The following ASAP1 variants were observed in gnomAD, a reference collection of about 807,000 sequenced individuals.
ASAP1 encodes the protein arf-GAP with SH3 domain, ANK repeat and PH domain-containing protein 1.
Under a neutral mutation model 145.2 loss-of-function variants are expected in ASAP1, and 43 were observed. That is an observed-to-expected ratio of 0.30 (90% confidence interval 0.23 to 0.38). The LOEUF (loss-of-function observed/expected upper bound fraction) is 0.38. Ranked by LOEUF, ASAP1 falls within the 10% of genes least tolerant of loss-of-function variation. The probability of loss-of-function intolerance (pLI) is 1.00; values close to 1 mark genes in which losing one functional copy is unlikely to be tolerated. For missense variants in ASAP1, 1,018 were observed against 1,355.3 expected, an observed-to-expected ratio of 0.75 and a Z score of 3.91; for synonymous variants, 546 against 515.5, an observed-to-expected ratio of 1.06 and a Z score of -0.80.
chr8:130,296,728 A>C (rs1822301595), intron 3 of ASAP1, among the ~76,000 whole-genome samples: 1 of 151,758 alleles, frequency 6.6e-6, no homozygotes, highest in Non-Finnish European at 1.5e-5. Context: ...ATCCAGCTCT[A>C]CAGAGCACAA....
At chr8:130,386,447 G>GA (rs897134969) in intron 2 of ASAP1, among the ~76,000 whole-genome samples, 2 of 152,170 alleles carry the variant, frequency 1.3e-5, no homozygotes, top group African/African-American at 4.8e-5. Flanking sequence ...CTGTCCTGAT[G>GA]AAAAAACACA....
chr8:130,126,595 A>C (rs1382353644), intron 16 of ASAP1, among the ~76,000 whole-genome samples: 1 of 151,972 alleles, frequency 6.6e-6, no homozygotes, highest in Admixed American at 6.6e-5. Context: ...TTTTTCTACA[A>C]CCTCCAATGG....
At chr8:130,085,802 A>G (rs1168409313) in intron 25 of ASAP1, among the ~76,000 whole-genome samples, 1 of 151,424 alleles carries the variant, frequency 6.6e-6, no homozygotes, top group African/African-American at 2.4e-5. Context: ...TAAATTCCCT[A>G]CAAAACCCAA....
At chr8:130,189,039 T>A (rs968090849) in intron 5 of ASAP1, among the ~76,000 whole-genome samples, 1 of 152,200 alleles carries the variant, frequency 6.6e-6, no homozygotes, top group Admixed American at 6.5e-5. Context: ...TTTTTAGTTT[T>A]TATGGATACA....
chr8:130,332,586 T>C (rs543008063), intron 3 of ASAP1, among the ~76,000 whole-genome samples: 2 of 152,356 alleles, frequency 1.3e-5, no homozygotes, highest in African/African-American at 2.4e-5. Flanking sequence ...TTTGGAAATA[T>C]TCCAGAATGC....
chr8:130,153,240 G>A (rs1480848952), intron 12 of ASAP1, among the ~76,000 whole-genome samples: 4 of 149,856 alleles, frequency 2.7e-5, no homozygotes, highest in East Asian at 1.9e-4. Context: ...GGCTGGTCTC[G>A]AACTCCTGAC....
chr8:130,434,005 G>A (rs552927113), intron 1 of ASAP1, among the ~76,000 whole-genome samples: 60 of 152,198 alleles, frequency 3.9e-4, no homozygotes, highest in African/African-American at 1.4e-3. Context: ...AACACAGATC[G>A]CCTTGCTTAA....
At chr8:130,365,575 TTTAAG>T (rs1176281810) in intron 2 of ASAP1, among the ~76,000 whole-genome samples, 4 of 152,256 alleles carry the variant, frequency 2.6e-5, no homozygotes, top group African/African-American at 7.2e-5. Context: ...CTTTGATGAA[TTTAAG>T]TTGAGTTCAT....
intron 3 of ASAP1, among the ~76,000 whole-genome samples, chr8:130,263,565 TAA>T (rs1820069109): frequency 1.3e-5 from 2 of 152,130 alleles, no homozygotes; most frequent in African/African-American, 4.8e-5. Flanking sequence ...CACTTTTGAG[TAA>T]GTTTAAATGA....
chr8:130,385,457 G>GA (rs1827968742), intron 2 of ASAP1, among the ~76,000 whole-genome samples: 1 of 152,234 alleles, frequency 6.6e-6, no homozygotes, highest in Non-Finnish European at 1.5e-5. Context: ...CTCTCCATGG[G>GA]GAGATGCTGG....
chr8:130,059,875 C>T (rs769204738), intron 28 of ASAP1, among the ~76,000 whole-genome samples: 10 of 151,656 alleles, frequency 6.6e-5, no homozygotes, highest in Non-Finnish European at 1.5e-4. Flanking sequence ...CCCATGAGTT[C>T]AAGACCAGCC....
intron 3 of ASAP1, among the ~76,000 whole-genome samples, chr8:130,295,499 A>G (rs1822214217): frequency 6.6e-6 from 1 of 152,184 alleles, no homozygotes; most frequent in South Asian, 2.1e-4. Flanking sequence ...CACAGCTGTA[A>G]AACAGGGATA....
At chr8:130,165,990 T>C (rs1256554637) in intron 11 of ASAP1, among the ~76,000 whole-genome samples, 1 of 152,210 alleles carries the variant, frequency 6.6e-6, no homozygotes, top group Admixed American at 6.5e-5. Context: ...CTGTATTTCA[T>C]GTTATTATTA....
Position 130,249,755 on chromosome 8 carries a change from AG to A in ASAP1, c.187-12762del, listed in dbSNP as rs1295353761. On this transcript the variant is annotated intron_variant, in intron 3 of 29. Transcript: ENST00000518721. ...TTATATATTACTTCCTCCCAGTTGT[AG>A]AGCCATCTTGCTGGCCCTGCACCCC... is the stretch of plus-strand genomic sequence containing the variant. 1.2e-4 allele frequency among the ~76,000 whole-genome samples: 19 copies of A among 152,242 alleles called. No homozygotes were observed. The East Asian group carries it at 3.7e-3, about 29-fold the overall frequency.
At chr8:130,166,486 C>T (rs184058941) in intron 11 of ASAP1, among the ~76,000 whole-genome samples, 20 of 152,262 alleles carry the variant, frequency 1.3e-4, no homozygotes, top group African/African-American at 4.6e-4. Context: ...GACTCCTCCA[C>T]CCATCCTGCC....
At chr8:130,427,919 C>CCTTCTTCTCAATTTCAAT in intron 1 of ASAP1, 1 of 152,078 alleles carries the variant, frequency 6.6e-6, no homozygotes, top group Admixed American at 6.5e-5. Context: ...TTAAGACCTA[C>CCTTCTTCTCAATTTCAAT]CTTCTTCTCA....
At chr8:130,340,073 A>G (rs74415308) in intron 3 of ASAP1, among the ~76,000 whole-genome samples, 9 of 152,320 alleles carry the variant, frequency 5.9e-5, no homozygotes, top group African/African-American at 2.2e-4. Context: ...AGATGAATAA[A>G]TAAGTCCTGT....
At chr8:130,222,980 C>T (rs184529146) in intron 4 of ASAP1, among the ~76,000 whole-genome samples, 5 of 152,272 alleles carry the variant, frequency 3.3e-5, no homozygotes, top group African/African-American at 1.2e-4. Context: ...CCAGACTCTA[C>T]CATGTCAGGA....
chr8:130,203,038 C>T (rs1441555274), intron 5 of ASAP1, among the ~76,000 whole-genome samples: 1 of 151,744 alleles, frequency 6.6e-6, no homozygotes, highest in Non-Finnish European at 1.5e-5. Context: ...AAATTACATA[C>T]TGAAATATAA....
Sources: gnomAD v4.1 joint callset for allele counts (sites outside exome capture counted in the v4.1 genomes callset) on GRCh38, gnomAD v4.1.1 for gene constraint, MANE v1.5 for transcripts, NCBI Gene and HGNC (gene_info 2026-07-23, HGNC 2026-07-21) for gene names.